The following CNTN5 variants were observed in gnomAD, a reference collection of about 807,000 sequenced individuals.
CNTN5 encodes contactin-5.
CNTN5 carries 77 observed loss-of-function variants against 129.1 expected under a neutral mutation model. The observed-to-expected ratio is 0.60, with a 90% CI of 0.50 to 0.72. The LOEUF is 0.72. Among genes scored for constraint, CNTN5 ranks in the 30% least tolerant of loss-of-function variants. The pLI is 0.00. For synonymous variants in CNTN5, 509 were observed against 465.6 expected (o/e 1.09, Z -1.20); for missense variants, 1,478 against 1,328.8 (o/e 1.11, Z -1.75).
At chr11:99,842,498 A>T (rs889524758) in intron 4 of CNTN5, among the ~76,000 whole-genome samples, 2 of 152,186 alleles carry the variant, frequency 1.3e-5, no homozygotes, top group African/African-American at 4.8e-5. Context: ...ATAATCAAAG[A>T]TGTTTGGTTC....
chr11:99,099,616 T>G (rs1164023492), intron 1 of CNTN5, among the ~76,000 whole-genome samples: 2 of 151,856 alleles, frequency 1.3e-5, no homozygotes, highest in African/African-American at 4.8e-5. Context: ...ACACATATTA[T>G]ACAATCTGGT....
intron 1 of CNTN5, among the ~76,000 whole-genome samples, chr11:99,102,505 A>G (rs1428690885): frequency 6.6e-6 from 1 of 152,162 alleles, no homozygotes; most frequent in Non-Finnish European, 1.5e-5. Context: ...TTTGCTGCTT[A>G]GAAATTTCTT....
Position 99,816,163 on chromosome 11 carries a change from C to T in CNTN5, c.56-3381C>T, listed in dbSNP as rs141942960. On this transcript the variant is annotated intron_variant, in intron 3 of 24. Coordinates refer to ENST00000524871, the MANE Select transcript of CNTN5 (RefSeq NM_014361.4). Reference sequence around the variant, plus strand: ...ATTGAAAGACTTTCGCTTCCTTTCACTTTGTGACATTCCACTTTCCTACTT... The same window carrying T: ...ATTGAAAGACTTTCGCTTCCTTTCATTTTGTGACATTCCACTTTCCTACTT... Among the ~76,000 whole-genome samples, 120 of 152,302 alleles carry T rather than the reference C, an allele frequency of 7.9e-4. 2 individuals carry two copies. In the East Asian group the frequency reaches 0.016, roughly 21 times the overall value.
intron 18 of CNTN5, among the ~76,000 whole-genome samples, chr11:100,294,483 G>T (rs1951062786): frequency 6.6e-6 from 1 of 151,666 alleles, no homozygotes; most frequent in Non-Finnish European, 1.5e-5. Context: ...ACTAATGGAT[G>T]AGCTTTGCTC....
At chr11:99,889,144 G>A (rs1394101185) in intron 6 of CNTN5, among the ~76,000 whole-genome samples, 1 of 152,032 alleles carries the variant, frequency 6.6e-6, no homozygotes, top group East Asian at 1.9e-4. Flanking sequence ...CAAATTGAGA[G>A]AATAAATAGA....
intron 13 of CNTN5, among the ~76,000 whole-genome samples, chr11:100,165,712 A>C (rs1411815949): frequency 6.6e-6 from 1 of 151,782 alleles, no homozygotes; most frequent in Non-Finnish European, 1.5e-5. Flanking sequence ...GGTCTCATGC[A>C]ATTTTAAGAT....
chr11:99,031,049 G>A (rs2135089237), intron 1 of CNTN5, among the ~76,000 whole-genome samples: 1 of 150,996 alleles, frequency 6.6e-6, no homozygotes, highest in African/African-American at 2.4e-5. Context: ...CGCCCGTCTC[G>A]GCCTCCCAAA....
At chr11:100,289,501 A>T (rs896180100) in intron 18 of CNTN5, among the ~76,000 whole-genome samples, 8 of 152,000 alleles carry the variant, frequency 5.3e-5, no homozygotes, top group Non-Finnish European at 1.2e-4. Context: ...AGAGCCAAAG[A>T]CAAAAACCAC....
chr11:99,050,444 A>C (rs1864380980), intron 1 of CNTN5, among the ~76,000 whole-genome samples: 1 of 151,926 alleles, frequency 6.6e-6, no homozygotes, highest in Admixed American at 6.6e-5. Context: ...TATTAATATT[A>C]GTATTTGTCA....
chr11:99,523,661 G>GAATAGAATAGA (rs1565258686), intron 2 of CNTN5, among the ~76,000 whole-genome samples: 11 of 64,888 alleles, frequency 1.7e-4, no homozygotes, highest in Admixed American at 2.9e-4. Context: ...GAACAGAACA[G>GAATAGAATAGA]ATCAGAACAG....
At chr11:99,321,238 A>C (rs746783482) in intron 1 of CNTN5, among the ~76,000 whole-genome samples, 12 of 151,374 alleles carry the variant, frequency 7.9e-5, no homozygotes, top group Non-Finnish European at 1.8e-4. Context: ...GTGCACATAC[A>C]ACACACAGAC....
intron 2 of CNTN5, among the ~76,000 whole-genome samples, chr11:99,500,660 C>A (rs1946392604): frequency 6.6e-6 from 1 of 152,038 alleles, no homozygotes; most frequent in South Asian, 2.1e-4. Context: ...ACATAGTATT[C>A]CATGAATTGT....
intron 13 of CNTN5, among the ~76,000 whole-genome samples, chr11:100,146,675 T>C (rs1382201328): frequency 1.3e-5 from 2 of 152,154 alleles, no homozygotes; most frequent in East Asian, 3.9e-4. Flanking sequence ...TATTCACTGT[T>C]GAAAATATAA....
chr11:99,465,845 A>AAG (rs1243685562), intron 2 of CNTN5, among the ~76,000 whole-genome samples: 1 of 150,122 alleles, frequency 6.7e-6, no homozygotes, highest in Non-Finnish European at 1.5e-5. Context: ...GAACAGGAGG[A>AAG]AGAGAGAGAA....
intron 3 of CNTN5, among the ~76,000 whole-genome samples, chr11:99,703,273 C>A: frequency 9.6e-6 from 1 of 104,698 alleles, no homozygotes; most frequent in Admixed American, 1.2e-4. Flanking sequence ...TGCTTGCTTT[C>A]TAATCAAGAT....
intron 3 of CNTN5, among the ~76,000 whole-genome samples, chr11:99,580,170 G>A (rs188057400): frequency 0.012 from 1,896 of 152,294 alleles, 18 homozygotes; most frequent in Non-Finnish European, 0.02. Flanking sequence ...TTGCATCCCA[G>A]GGATGAAGCC....
chr11:99,455,517 A>T (rs1012090574), intron 2 of CNTN5, among the ~76,000 whole-genome samples: 9 of 152,150 alleles, frequency 5.9e-5, no homozygotes, highest in Non-Finnish European at 8.8e-5. Flanking sequence ...GATATTGAGG[A>T]ATAATCAGAA....
chr11:99,211,979 A>C lies in CNTN5; in HGVS notation c.-209-113367A>C, dbSNP rs1315841399. On this transcript the variant is annotated intron_variant, in intron 1 of 24. Coordinates refer to ENST00000524871, the MANE Select transcript of CNTN5 (RefSeq NM_014361.4). ...ACATACTTTTTAAATGTGTTACAAA[A>C]AAATGCTTTTTGGAAGTACTGTGTT... Among the ~76,000 whole-genome samples, 3 of 152,206 alleles carry C rather than the reference A, an allele frequency of 2.0e-5. No individual in the cohort carries two copies. The East Asian group carries it at 5.8e-4, about 29-fold the overall frequency.
At chr11:99,425,019 C>T (rs11827549) in intron 2 of CNTN5, among the ~76,000 whole-genome samples, 4,602 of 152,202 alleles carry the variant, frequency 0.03, 224 homozygotes, top group African/African-American at 0.1. Flanking sequence ...TGGGTAGCTC[C>T]TTTCTATGGG....
Sources: gnomAD v4.1 joint callset for allele counts (sites outside exome capture counted in the v4.1 genomes callset) on GRCh38, gnomAD v4.1.1 for gene constraint, MANE v1.5 for transcripts, NCBI Gene and HGNC (gene_info 2026-07-23, HGNC 2026-07-21) for gene names.